The following GPR149 variants were observed in gnomAD, a reference collection of about 807,000 sequenced individuals.
The protein encoded by GPR149 is G protein-coupled receptor 149.
A neutral mutation model predicts 50.2 loss-of-function variants in GPR149; 50 were observed. The ratio of observed to expected loss-of-function variants is 1.00; its 90% CI spans 0.79 to 1.26. The LOEUF is 1.26. GPR149 is among the 50% of genes most tolerant of loss of function. The pLI, the probability that GPR149 is intolerant of heterozygous loss-of-function variation, is 0.00. For synonymous variants in GPR149, 405 were observed against 358.2 expected (o/e 1.13, Z -1.48); for missense variants, 983 against 895.4 (o/e 1.10, Z -1.25).
chr3:154,338,322 A>G (rs1713706468), intron 3 of GPR149, 51 bp from the exon 4 acceptor site: 3 of 1,343,816 alleles, frequency 2.2e-6, no homozygotes, highest in Non-Finnish European at 3.0e-6. Context: ...TCTGAGGTTG[A>G]GACATTTAGA....
chr3:154,401,114 G>A (rs963446469), intron 3 of GPR149, among the ~76,000 whole-genome samples: 1 of 152,148 alleles, frequency 6.6e-6, no homozygotes, highest in Non-Finnish European at 1.5e-5. Flanking sequence ...AACACTGTGA[G>A]CTATTTTCTG....
chr3:154,424,675 A>T (rs1275373739), intron 2 of GPR149, among the ~76,000 whole-genome samples: 1 of 151,820 alleles, frequency 6.6e-6, no homozygotes, highest in Non-Finnish European at 1.5e-5. Context: ...AATTTATACT[A>T]AACATCTTAA....
chr3:154,418,606 A>G (rs2108427876), intron 3 of GPR149, among the ~76,000 whole-genome samples: 1 of 121,358 alleles, frequency 8.2e-6, no homozygotes, highest in East Asian at 2.4e-4. Flanking sequence ...ATAGGTGGGA[A>G]TTGAACAATG....
At chr3:154,414,867 G>T (rs1199753520) in intron 3 of GPR149, among the ~76,000 whole-genome samples, 1 of 151,908 alleles carries the variant, frequency 6.6e-6, no homozygotes, top group Non-Finnish European at 1.5e-5. Flanking sequence ...CAAATTGGAG[G>T]TAAGGAGACA....
chr3:154,388,333 T>C (rs1378903662), intron 3 of GPR149, among the ~76,000 whole-genome samples: 2 of 151,596 alleles, frequency 1.3e-5, no homozygotes, highest in South Asian at 2.1e-4. Flanking sequence ...CACACCCTTA[T>C]GGACTGTAGT....
intron 3 of GPR149, among the ~76,000 whole-genome samples, chr3:154,415,832 A>G (rs983977725): frequency 3.9e-5 from 6 of 152,096 alleles, no homozygotes; most frequent in Non-Finnish European, 7.4e-5. Flanking sequence ...TAGGCAGTGT[A>G]GCAAATTTTC....
At chr3:154,362,663 G>A (rs1431802618) in intron 3 of GPR149, among the ~76,000 whole-genome samples, 1 of 152,162 alleles carries the variant, frequency 6.6e-6, no homozygotes, top group Non-Finnish European at 1.5e-5. Context: ...TTCTTTGTAA[G>A]TGTATCTGGG....
Position 154,429,806 on chromosome 3 carries a change from G to C in GPR149, c.-191C>G. The C allele has an allele frequency of 4.8e-6, 2 of 414,702 alleles. No individual in the cohort carries two copies. The highest frequency in any genetic ancestry group is 8.3e-6 in the Non-Finnish European group (2 of 241,060). The allele number at this position is 414,702 out of a possible 1,614,324, so 25.7% of individuals were successfully genotyped here. On this transcript the variant is annotated 5_prime_UTR_variant, in exon 1 of 4. Coordinates refer to ENST00000389740, the MANE Select transcript of GPR149 (RefSeq NM_001038705.3). ...GACTCAAGCTATATTTAAAAATTAG[G>C]TTCCATTTCAAGCATAAAAAAAAAA...
chr3:154,356,429 T>A (rs1009680137), intron 3 of GPR149, among the ~76,000 whole-genome samples: 5 of 151,928 alleles, frequency 3.3e-5, no homozygotes, highest in African/African-American at 1.2e-4. Flanking sequence ...TATCTAGAAA[T>A]CCCCATCGTC....
chr3:154,343,846 G>C (rs921489030), intron 3 of GPR149, among the ~76,000 whole-genome samples: 1 of 152,140 alleles, frequency 6.6e-6, no homozygotes, highest in Non-Finnish European at 1.5e-5. Flanking sequence ...GCATGGTAGT[G>C]TGTGTTTCTG....
chr3:154,419,209 C>A (rs1488302202), intron 3 of GPR149, among the ~76,000 whole-genome samples: 1 of 151,924 alleles, frequency 6.6e-6, no homozygotes, highest in African/African-American at 2.4e-5. Flanking sequence ...CTGGATTGAT[C>A]AAAGTTTTAT....
chr3:154,354,787 G>T, intron 3 of GPR149: 1 of 689,280 alleles, frequency 1.5e-6, no homozygotes, highest in Non-Finnish European at 2.1e-6. Flanking sequence ...GCCCCAAGGA[G>T]TTTCCCAGGC....
intron 3 of GPR149, among the ~76,000 whole-genome samples, chr3:154,374,777 T>G (rs1016453950): frequency 2.6e-5 from 4 of 152,166 alleles, no homozygotes; most frequent in Admixed American, 6.6e-5. Flanking sequence ...CTTATGCTTT[T>G]CTGATACCAT....
At chr3:154,365,606 G>A (rs190470542) in intron 3 of GPR149, among the ~76,000 whole-genome samples, 112 of 152,176 alleles carry the variant, frequency 7.4e-4, no homozygotes, top group African/African-American at 2.6e-3. Flanking sequence ...ACTATAAGCG[G>A]TTAAGAAAAG....
chr3:154,416,825 T>A (rs976363294), intron 3 of GPR149, among the ~76,000 whole-genome samples: 1 of 151,922 alleles, frequency 6.6e-6, no homozygotes, highest in African/African-American at 2.4e-5. Flanking sequence ...AATCTGTTTT[T>A]AAAACACCCT....
intron 3 of GPR149, among the ~76,000 whole-genome samples, chr3:154,409,067 C>T (rs943757843): frequency 3.3e-5 from 5 of 152,236 alleles, no homozygotes; most frequent in African/African-American, 1.2e-4. Flanking sequence ...TTTGCAGACA[C>T]TCCCCAGTAC....
intron 2 of GPR149, 23 bp from the exon 3 acceptor site, chr3:154,421,510 GT>G: frequency 7.6e-7 from 1 of 1,311,614 alleles, no homozygotes; most frequent in Non-Finnish European, 1.0e-6. Context: ...AAAAACAACA[GT>G]TTATGGCTAG....
chr3:154,374,574 C>G (rs972873816), intron 3 of GPR149, among the ~76,000 whole-genome samples: 1 of 152,094 alleles, frequency 6.6e-6, no homozygotes, highest in Non-Finnish European at 1.5e-5. Flanking sequence ...ATGTTTTAGA[C>G]TCAAACTAGG....
At chr3:154,361,271 A>G (rs192117419) in intron 3 of GPR149, among the ~76,000 whole-genome samples, 1 of 152,350 alleles carries the variant, frequency 6.6e-6, no homozygotes, top group Admixed American at 6.5e-5. Flanking sequence ...TTCAGAAATT[A>G]GACACTTGCC....
Sources: allele counts gnomAD v4.1 joint callset (sites outside exome capture counted in the v4.1 genomes callset), GRCh38; gene constraint gnomAD v4.1.1; transcripts MANE v1.5; gene names NCBI Gene and HGNC (gene_info 2026-07-23, HGNC 2026-07-21).